RYR3: variants seen among roughly 807,000 people sequenced by gnomAD.
RYR3 encodes the protein brain ryanodine receptor-calcium release channel.
A neutral mutation model predicts 584.3 loss-of-function variants in RYR3; 207 were observed. That is an observed-to-expected ratio of 0.35 (90% CI 0.32 to 0.40). The LOEUF is 0.40. Among genes scored for constraint, RYR3 ranks in the 10% least tolerant of loss-of-function variants. The pLI, the probability that RYR3 is intolerant of heterozygous loss-of-function variation, is 1.00. For synonymous variants in RYR3, 2,416 were observed against 2,248.5 expected, an observed-to-expected ratio of 1.07 and a Z score of -2.11; for missense variants, 5,616 against 6,089.2, an observed-to-expected ratio of 0.92 and a Z score of 2.59.
rs926572209 is a variant in RYR3, at chr15:33,550,611, G to A, written c.972+295G>A. On this transcript the variant is annotated intron_variant, in intron 10 of 103. Transcript: ENST00000634891. The stretch of plus-strand genomic sequence containing the variant: ...AAGGCTAACGGAAACTATTGTTGTT[G>A]TTTAATGCATTCTGAGTTGTCTTTG... Among the ~76,000 whole-genome samples the A allele has an allele frequency of 2.0e-5, 3 of 152,272 alleles. No homozygotes were observed. The South Asian group carries it at 6.2e-4, about 32-fold the overall frequency.
At chr15:33,576,644 C>A (rs28847986) in intron 12 of RYR3, among the ~76,000 whole-genome samples, 27,941 of 152,112 alleles carry the variant, frequency 0.18, 4,476 homozygotes, top group African/African-American at 0.44. Context: ...TTATGACAAA[C>A]CCACAGTCAA....
At chr15:33,343,745 C>A (rs1413449440) in intron 1 of RYR3, among the ~76,000 whole-genome samples, 1 of 152,118 alleles carries the variant, frequency 6.6e-6, no homozygotes, top group South Asian at 2.1e-4. Context: ...TCAATTTTTC[C>A]GATGAGTCAA....
At chr15:33,714,499 C>A (rs560058364) in intron 43 of RYR3, among the ~76,000 whole-genome samples, 2 of 152,248 alleles carry the variant, frequency 1.3e-5, no homozygotes, top group African/African-American at 4.8e-5. Flanking sequence ...ATTTTCCCCG[C>A]AGTTGCAGGC....
chr15:33,396,219 G>A (rs1160910749), intron 1 of RYR3, among the ~76,000 whole-genome samples: 1 of 152,172 alleles, frequency 6.6e-6, no homozygotes, highest in Non-Finnish European at 1.5e-5. Context: ...ATACTTCACT[G>A]AGAGAGAGCC....
At chr15:33,687,053 G>A (rs1321711624) in intron 38 of RYR3, among the ~76,000 whole-genome samples, 2 of 152,192 alleles carry the variant, frequency 1.3e-5, no homozygotes, top group African/African-American at 4.8e-5. Context: ...CATAGTGTTA[G>A]AAGTTCTGGC....
chr15:33,682,510 C>A (rs927584832), intron 38 of RYR3, among the ~76,000 whole-genome samples: 3 of 152,058 alleles, frequency 2.0e-5, no homozygotes, highest in Non-Finnish European at 4.4e-5. Context: ...AATGTGACTA[C>A]CCCTAATTAC....
Position 33,603,153 on chromosome 15 carries a change from G to A in RYR3, c.1953G>A (p.Ala651=), listed in dbSNP as rs763470148. ...GGCCAAACATCTTCCTGGGAGTCGC[G>A]GAGGGCTCAGCCCAGTACAAGAAGT... is the stretch of plus-strand genomic sequence containing the variant. ...SIRPNIFLGV[A]EGSAQYKKWY... is the part of the protein sequence containing the mutation. The change falls in exon 18 of 104, where the codon GCG becomes GCA. Residue 651 remains alanine (A), a synonymous_variant. Transcript: ENST00000634891. 23 of 1,613,782 alleles carry A rather than the reference G, an allele frequency of 1.4e-5. No homozygotes were observed. In the Admixed American group the frequency reaches 2.2e-4, roughly 15 times the overall value.
At chr15:33,413,665 TC>T (rs1345282261) in intron 1 of RYR3, among the ~76,000 whole-genome samples, 34 of 152,156 alleles carry the variant, frequency 2.2e-4, no homozygotes, top group African/African-American at 8.0e-4. Flanking sequence ...TGCACTGAGG[TC>T]CTTACCCAGT....
Position 33,697,922 on chromosome 15 carries a change from C to T in RYR3, c.6175C>T (p.Leu2059Phe), listed in dbSNP as rs891100892. 5 of 1,613,742 alleles carry T rather than the reference C, an allele frequency of 3.1e-6. No individual in the cohort carries two copies. The highest frequency in any genetic ancestry group is 2.5e-6 in the Non-Finnish European group (3 of 1,179,648). Residue 2059 changes from leucine to phenylalanine, a missense_variant, in exon 40 of 104, where the codon CTC becomes TTC. Physicochemically the swap from Leu to Phe is conservative, Grantham distance 22. This residue lies in a region of RYR3 where 1,280 missense variants were observed against 1,426.2 expected (regional missense o/e 0.90). Coordinates refer to ENST00000634891, the MANE Select transcript of RYR3 (RefSeq NM_001036.6). ...CAAGGTGTTTTACCAGCATCCCAAC[C>T]TCATGAGAGTCCTGGGCATGCACGA... ...NNKVFYQHPNLMRVLGMHETV... is the reference protein window; with the variant it reads ...NNKVFYQHPNFMRVLGMHETV...
At chr15:33,864,266 C>G (rs1056647180) in intron 103 of RYR3, 77 bp downstream of exon 103, 2 of 1,130,688 alleles carry the variant, frequency 1.8e-6, no homozygotes, top group Non-Finnish European at 2.6e-6. Context: ...CATAGGTTAT[C>G]TGAAATACAT....
intron 3 of RYR3, among the ~76,000 whole-genome samples, chr15:33,522,675 A>C (rs1434696942): frequency 6.6e-6 from 1 of 152,080 alleles, no homozygotes; most frequent in Non-Finnish European, 1.5e-5. Context: ...GATCCAAAAA[A>C]GGTGGTGAAG....
At position 33,684,121 on chromosome 15, in the gene RYR3, G is replaced by A. The variant is rs539170280; in HGVS notation, c.5861-12097G>A. Among the ~76,000 whole-genome samples, 31 of 152,358 alleles carry A rather than the reference G, an allele frequency of 2.0e-4. No homozygotes were observed. The South Asian group carries it at 3.7e-3, about 18-fold the overall frequency. On this transcript the variant is annotated intron_variant, in intron 38 of 103. Coordinates refer to ENST00000634891, the MANE Select transcript of RYR3 (RefSeq NM_001036.6). ...TTAAATGTCCCTGTCTGACAGCTCC[G>A]AAGAGAGCAGTGGTTCTCCCAGCAC... is the stretch of plus-strand genomic sequence containing the variant.
chr15:33,520,931 C>T (rs1270329716), intron 3 of RYR3, among the ~76,000 whole-genome samples: 1 of 152,136 alleles, frequency 6.6e-6, no homozygotes, highest in Non-Finnish European at 1.5e-5. Context: ...TTAATTTGTT[C>T]CCCAACCATT....
chr15:33,513,753 A>G (rs2053245396), intron 3 of RYR3, among the ~76,000 whole-genome samples: 1 of 152,130 alleles, frequency 6.6e-6, no homozygotes, highest in Non-Finnish European at 1.5e-5. Context: ...TAGCCTTGGT[A>G]TTCCCACTCT....
chr15:33,319,174 C>G, intron 1 of RYR3, among the ~76,000 whole-genome samples: 1 of 152,328 alleles, frequency 6.6e-6, no homozygotes, highest in East Asian at 1.9e-4. Context: ...ATGGAAAGTT[C>G]TCCATCAATG....
chr15:33,555,800 T>C (rs2057029607), intron 10 of RYR3, among the ~76,000 whole-genome samples: 1 of 152,188 alleles, frequency 6.6e-6, no homozygotes, highest in African/African-American at 2.4e-5. Context: ...TGAAGAAATA[T>C]GCCTTCCCCA....
chr15:33,812,745 T>C (rs1393541239), intron 72 of RYR3, 118 bp from the exon 73 acceptor site: 3 of 913,538 alleles, frequency 3.3e-6, no homozygotes, highest in Non-Finnish European at 4.9e-6. Flanking sequence ...AAAATGAAAG[T>C]GAAGTGATAA....
intron 1 of RYR3, among the ~76,000 whole-genome samples, chr15:33,435,288 A>G (rs2045570809): frequency 6.6e-6 from 1 of 152,122 alleles, no homozygotes. Context: ...ATTTTTATAT[A>G]GATGTGTCAT....
intron 38 of RYR3, among the ~76,000 whole-genome samples, chr15:33,687,279 A>G (rs1418981604): frequency 6.6e-6 from 1 of 152,260 alleles, no homozygotes; most frequent in African/African-American, 2.4e-5. Flanking sequence ...AATAACAGAC[A>G]AACAGCCAAA....
Sources: gnomAD v4.1 joint callset for allele counts (sites outside exome capture counted in the v4.1 genomes callset) on GRCh38, gnomAD v4.1.1 for gene constraint, gnomAD v4.1.1 regional missense constraint, MANE v1.5 for transcripts, NCBI Gene and HGNC (gene_info 2026-07-23, HGNC 2026-07-21) for gene names.